Variants in SLC24A3 observed in about 807,000 individuals in gnomAD.
SLC24A3 encodes the protein solute carrier family 24 member 3, also known as sodium/potassium/calcium exchanger 3.
Under a neutral mutation model 75.8 loss-of-function variants are expected in SLC24A3, and 28 were observed. That is an observed-to-expected ratio of 0.37 (90% CI 0.27 to 0.51). SLC24A3 has a LOEUF of 0.51. SLC24A3 is among the 20% of genes least tolerant of loss of function. The pLI is 0.94. For synonymous variants in SLC24A3, 372 were observed against 334.1 expected, an observed-to-expected ratio of 1.11 and a Z score of -1.24; for missense variants, 663 against 847.8, an observed-to-expected ratio of 0.78 and a Z score of 2.71.
intron 2 of SLC24A3, among the ~76,000 whole-genome samples, chr20:19,324,919 G>A (rs1197922076): frequency 1.3e-5 from 2 of 151,280 alleles, no homozygotes; most frequent in Non-Finnish European, 2.9e-5. Context: ...AAAATCCAAT[G>A]TCTTCACTTT....
chr20:19,359,711 CA>C (rs1985752632), intron 2 of SLC24A3, among the ~76,000 whole-genome samples: 1 of 152,140 alleles, frequency 6.6e-6, no homozygotes, highest in African/African-American at 2.4e-5. Flanking sequence ...TCTCTTTTAG[CA>C]GGGGTGGGTG....
chr20:19,661,035 C>T (rs1453015512), intron 7 of SLC24A3, among the ~76,000 whole-genome samples: 1 of 152,132 alleles, frequency 6.6e-6, no homozygotes, highest in Non-Finnish European at 1.5e-5. Flanking sequence ...GAAGTGCATC[C>T]GCTGGCCTGG....
chr20:19,338,693 C>A (rs1276335735), intron 2 of SLC24A3, among the ~76,000 whole-genome samples: 1 of 152,140 alleles, frequency 6.6e-6, no homozygotes, highest in Non-Finnish European at 1.5e-5. Flanking sequence ...CAGATGTGAC[C>A]TTGGGCAAGA....
chr20:19,664,474 G>A (rs1348224717), intron 7 of SLC24A3, among the ~76,000 whole-genome samples: 1 of 152,238 alleles, frequency 6.6e-6, no homozygotes, highest in African/African-American at 2.4e-5. Flanking sequence ...AGTTACAAAT[G>A]AGCACAGCTC....
chr20:19,363,787 G>A (rs1360264396), intron 2 of SLC24A3, among the ~76,000 whole-genome samples: 1 of 152,074 alleles, frequency 6.6e-6, no homozygotes, highest in Non-Finnish European at 1.5e-5. Context: ...TTTTTTCTTT[G>A]TATGTTACAC....
rs1335775981 is a variant in SLC24A3 at position 19,271,827 on chromosome 20, G to A, written c.143-9132G>A. Reference sequence around the variant, plus strand: ...TAAGAATGACTCTGGGGACCTGGAGGGAAGGGTGGGAATGGGGTGAGGGAT... The same window carrying A: ...TAAGAATGACTCTGGGGACCTGGAGAGAAGGGTGGGAATGGGGTGAGGGAT... On this transcript the variant is annotated intron_variant, in intron 1 of 16. Coordinates refer to ENST00000328041, the MANE Select transcript of SLC24A3 (RefSeq NM_020689.4). 3.9e-5 allele frequency among the ~76,000 whole-genome samples: 6 copies of A among 152,296 alleles called. No homozygotes were observed. In the South Asian group the frequency reaches 8.3e-4, roughly 21 times the overall value.
intron 2 of SLC24A3, among the ~76,000 whole-genome samples, chr20:19,311,034 C>T (rs1984443635): frequency 6.6e-6 from 1 of 150,954 alleles, no homozygotes; most frequent in African/African-American, 2.4e-5. Context: ...CTTCCCTTTC[C>T]TTCCCTTTCC....
At chr20:19,640,161 G>A (rs944381126) in intron 6 of SLC24A3, among the ~76,000 whole-genome samples, 5 of 152,254 alleles carry the variant, frequency 3.3e-5, no homozygotes, top group Admixed American at 2.0e-4. Flanking sequence ...GAGAGCGAGC[G>A]AGGGCTGTGA....
At chr20:19,381,312 T>G (rs1456387929) in intron 2 of SLC24A3, among the ~76,000 whole-genome samples, 1 of 151,930 alleles carries the variant, frequency 6.6e-6, no homozygotes, top group Non-Finnish European at 1.5e-5. Flanking sequence ...AATAAACAAA[T>G]AAAATTAAAT....
intron 7 of SLC24A3, among the ~76,000 whole-genome samples, chr20:19,660,380 C>T (rs1271769739): frequency 6.6e-6 from 1 of 151,430 alleles, no homozygotes; most frequent in Admixed American, 6.6e-5. Context: ...TAAGTGAGAA[C>T]ATACGGTATT....
chr20:19,257,810 C>T (rs771487330), intron 1 of SLC24A3: 1 of 152,310 alleles, frequency 6.6e-6, no homozygotes, highest in Non-Finnish European at 1.5e-5. Flanking sequence ...CCTGTTTACT[C>T]CTTCTACTGC....
At chr20:19,640,937 GA>G (rs2032069254) in intron 6 of SLC24A3, among the ~76,000 whole-genome samples, 1 of 152,110 alleles carries the variant, frequency 6.6e-6, no homozygotes, top group Non-Finnish European at 1.5e-5. Flanking sequence ...GCACCCTTAG[GA>G]AATTTGACTT....
chr20:19,404,849 C>T (rs143706288), intron 2 of SLC24A3, among the ~76,000 whole-genome samples: 177 of 152,308 alleles, frequency 1.2e-3, no homozygotes, highest in Non-Finnish European at 1.7e-3. Context: ...AGTTCTTTCA[C>T]CTGGTGCCCA....
intron 6 of SLC24A3, among the ~76,000 whole-genome samples, chr20:19,614,162 G>A (rs988461251): frequency 6.6e-6 from 1 of 152,122 alleles, no homozygotes; most frequent in East Asian, 1.9e-4. Context: ...CCAGACTGTT[G>A]GGACTAAAAT....
At chr20:19,539,405 A>T (rs776336043) in intron 3 of SLC24A3, among the ~76,000 whole-genome samples, 5 of 152,196 alleles carry the variant, frequency 3.3e-5, no homozygotes, top group Admixed American at 6.5e-5. Context: ...TGGCAGAGAC[A>T]CAGCTTTGAG....
At chr20:19,308,631 C>A (rs139571935) in intron 2 of SLC24A3, among the ~76,000 whole-genome samples, 2 of 152,218 alleles carry the variant, frequency 1.3e-5, no homozygotes, top group African/African-American at 2.4e-5. Context: ...CTTTATTGAG[C>A]GATTTTTTAT....
intron 6 of SLC24A3, among the ~76,000 whole-genome samples, chr20:19,616,235 G>T (rs1186865288): frequency 6.6e-6 from 1 of 152,200 alleles, no homozygotes; most frequent in East Asian, 1.9e-4. Context: ...TTCCAGGAAG[G>T]GTGTGATGTG....
chr20:19,585,785 A>G lies in SLC24A3; in HGVS notation c.612+241A>G, dbSNP rs116260108. On this transcript the variant is annotated intron_variant, in intron 6 of 16. Coordinates refer to ENST00000328041, the MANE Select transcript of SLC24A3 (RefSeq NM_020689.4). The stretch of plus-strand genomic sequence containing the variant: ...ATAGAATGCTCAGGTCCACATAAAT[A>G]ATTAACCAGACTGAAAGATGTGGGT... Among the ~76,000 whole-genome samples the G allele has an allele frequency of 2.2e-3, 342 of 152,232 alleles. 1 individual carries two copies. The highest frequency in any genetic ancestry group is 7.8e-3 in the African/African-American group (323 of 41,506).
intron 2 of SLC24A3, among the ~76,000 whole-genome samples, chr20:19,502,940 T>C (rs1988407903): frequency 6.7e-6 from 1 of 150,338 alleles, no homozygotes; most frequent in Admixed American, 6.7e-5. Flanking sequence ...GGTGGGAGGA[T>C]TGCTTAAGCC....
Sources: allele counts gnomAD v4.1 joint callset (sites outside exome capture counted in the v4.1 genomes callset), GRCh38; gene constraint gnomAD v4.1.1; transcripts MANE v1.5; gene names NCBI Gene and HGNC (gene_info 2026-07-23, HGNC 2026-07-21).